REG1B: variants seen among roughly 807,000 people sequenced by gnomAD.
REG1B encodes the protein lithostathine-1-beta.
In REG1B, 21 loss-of-function variants were observed where a neutral mutation model predicts 20.4. That is an observed-to-expected ratio of 1.03 (90% CI 0.73 to 1.48). REG1B has a LOEUF of 1.48. REG1B is among the 40% of genes most tolerant of loss of function. The pLI, the probability that REG1B is intolerant of heterozygous loss-of-function variation, is 0.00. For missense variants in REG1B, 247 were observed against 197.2 expected, an observed-to-expected ratio of 1.25 and a Z score of -1.51; for synonymous variants, 82 against 73.4, an observed-to-expected ratio of 1.12 and a Z score of -0.60.
In REG1B at chr2:79,085,240, G is replaced by T. The variant is rs1672379809; in HGVS notation, c.477C>A (p.Ser159=). 2 of 1,613,392 alleles carry T rather than the reference G, an allele frequency of 1.2e-6. No homozygotes were observed. Among genetic ancestry groups the T allele is most frequent in the African/African-American group, 1.3e-5 (1 of 75,008 alleles). Residue 159 remains serine, a synonymous_variant, in exon 6 of 6, where the codon TCC becomes TCA. Coordinates refer to ENST00000305089, the MANE Select transcript of REG1B (RefSeq NM_006507.4). ...TCTAGTTTTTGAACTTGCAAACAAA[G>T]GAGAACTTCTTCTCACAAGATTCAT... The part of the protein sequence containing the change: ...WKDESCEKKF[S]FVCKFKN
At chr2:79,086,065 G>C (rs1313839137) in intron 4 of REG1B, 1 of 381,864 alleles carries the variant, frequency 2.6e-6, no homozygotes, top group East Asian at 5.8e-5. Flanking sequence ...TCTACAGAGG[G>C]ACCTCTTCCA....
In REG1B at chr2:79,086,805, C is replaced by G. The variant is rs768118109; in HGVS notation, c.183+7G>C. 1 of 1,611,876 alleles carries G rather than the reference C, an allele frequency of 6.2e-7. No homozygotes were observed. Among genetic ancestry groups the G allele is most frequent in the African/African-American group, 1.3e-5 (1 of 74,970 alleles). On this transcript the variant is annotated splice_region_variant and intron_variant, in intron 3 of 5. Coordinates refer to ENST00000305089, the MANE Select transcript of REG1B (RefSeq NM_006507.4). ...GCCTCCCTTCCCCTGCTGCTCTCCT[C>G]ACTCACATCTGCATCAACCCAGGTC...
chr2:79,086,908 C>G lies in REG1B; in HGVS notation c.87G>C (p.Leu29=), dbSNP rs774256969. 1 of 1,613,632 alleles carries G rather than the reference C, an allele frequency of 6.2e-7. No individual in the cohort carries two copies. Among genetic ancestry groups the G allele is most frequent in the East Asian group, 2.2e-5 (1 of 44,848 alleles). The change falls in exon 3 of 6, where the codon CTG becomes CTC. Residue 29 remains leucine, a synonymous_variant. Transcript: ENST00000305089. The part of the protein sequence containing the change: ...LSQGQESQTE[L]PNPRISCPEG... The stretch of plus-strand genomic sequence containing the variant: ...CTGGGCAGCTGATTCGGGGATTAGG[C>G]AGCTCTGTCTGGGACTCCTGGCCTG...
rs779502058 is a variant in REG1B at position 79,086,944 on chromosome 2, A to G, written c.65-14T>C. The G allele has an allele frequency of 6.2e-7, 1 of 1,603,928 alleles. No individual in the cohort carries two copies. Among genetic ancestry groups the G allele is most frequent in the Non-Finnish European group, 8.5e-7 (1 of 1,170,942 alleles). On this transcript the variant is annotated splice_polypyrimidine_tract_variant and intron_variant, in intron 2 of 5. Transcript: ENST00000305089. Reference sequence around the variant, plus strand: ...GGGACTCCTGGCCTGGGGAAAAAAAAAAGGAGATAATTAAGAAAGAATCGC... The same window carrying G: ...GGGACTCCTGGCCTGGGGAAAAAAAGAAGGAGATAATTAAGAAAGAATCGC...
rs1558715626 is a variant in REG1B at position 79,086,373 on chromosome 2, TG to T, written c.314del (p.Pro105GlnfsTer36). ...DSNVWIGLHD[P>X]KKNRRWHWSS... The stretch of plus-strand genomic sequence containing the variant: ...GAGGTGGCTGCAGACTGACCTTTTT[TG>T]GGTCATGGAGGCCAATCCAGACATT... On this transcript the variant is annotated frameshift_variant, in exon 4 of 6. Transcript: ENST00000305089. LOFTEE classifies it high-confidence loss of function. The T allele has an allele frequency of 6.2e-7, 1 of 1,614,084 alleles. No individual in the cohort carries two copies. Among genetic ancestry groups the T allele is most frequent in the East Asian group, 2.2e-5 (1 of 44,870 alleles).
Position 79,087,551 on chromosome 2 carries a change from T to C in REG1B, c.62A>G (p.Gln21Arg). The C allele has an allele frequency of 1.2e-6, 2 of 1,613,886 alleles. No individual in the cohort carries two copies. Among genetic ancestry groups the C allele is most frequent in the Non-Finnish European group, 1.7e-6 (2 of 1,179,918 alleles). ...GGAAGTGTGGGGGAAAATCTCACCTTGGCTCAGAGACAGGAACATCAGGGA... is the reference window on the plus strand; with the variant it reads ...GGAAGTGTGGGGGAAAATCTCACCTCGGCTCAGAGACAGGAACATCAGGGA... ...ISSLMFLSLS[Q>R]GQESQTELPN... Residue 21 changes from glutamine to arginine, a missense_variant and splice_region_variant, in exon 2 of 6, where the codon CAA becomes CGA. Coordinates refer to ENST00000305089, the MANE Select transcript of REG1B (RefSeq NM_006507.4).
Position 79,085,538 on chromosome 2 carries a change from C to G in REG1B, c.387G>C (p.Pro129=), listed in dbSNP as rs749139768. ...CACAGTAGCCAGCATTAGCACTGCT[C>G]GGGGATCCAGTGTCCCAGGACTTGT... ...VSYKSWDTGS[P]SSANAGYCAS... The change falls in exon 5 of 6, where the codon CCG becomes CCC. Residue 129 remains proline, a synonymous_variant. Coordinates refer to ENST00000305089, the MANE Select transcript of REG1B (RefSeq NM_006507.4). 5 of 1,613,800 alleles carry G rather than the reference C, an allele frequency of 3.1e-6. No homozygotes were observed. The South Asian group carries it at 5.5e-5, about 18-fold the overall frequency.
intron 2 of REG1B, chr2:79,087,144 A>C: frequency 1.8e-6 from 1 of 568,292 alleles, no homozygotes. Flanking sequence ...GGCTAAATAA[A>C]TGAGTCCTCG....
chr2:79,087,121 C>A, intron 2 of REG1B, 191 bp from the exon 3 acceptor site: 1 of 595,862 alleles, frequency 1.7e-6, no homozygotes, highest in Non-Finnish European at 3.0e-6. Context: ...AAGACAAGAG[C>A]TCACAATGAA....
chr2:79,086,312 T>TTA, intron 4 of REG1B, 55 bp downstream of exon 4: 1 of 1,595,852 alleles, frequency 6.3e-7, no homozygotes, highest in Non-Finnish European at 8.6e-7. Context: ...ACCTTAAACG[T>TTA]CCCTCTTACC....
chr2:79,086,914 T>C lies in REG1B; in HGVS notation c.81A>G (p.Thr27=). Residue 27 remains threonine, a synonymous_variant, in exon 3 of 6, where the codon ACA becomes ACG. Transcript: ENST00000305089. ...AGCTGATTCGGGGATTAGGCAGCTC[T>C]GTCTGGGACTCCTGGCCTGGGGAAA... ...LSLSQGQESQ[T]ELPNPRISCP... is the part of the protein sequence containing the mutation. 1 of 1,613,678 alleles carries C rather than the reference T, an allele frequency of 6.2e-7. No homozygotes were observed. The highest frequency in any genetic ancestry group is 8.5e-7 in the Non-Finnish European group (1 of 1,179,774).
At position 79,086,413 on chromosome 2, in the gene REG1B, C is replaced by G. The variant is rs1024249097; in HGVS notation, c.275G>C (p.Ser92Thr). The change falls in exon 4 of 6, where the codon AGC becomes ACC. Residue 92 changes from serine (S) to threonine (T), a missense_variant. Physicochemically the swap from Ser to Thr is moderately conservative, Grantham distance 58. Coordinates refer to ENST00000305089, the MANE Select transcript of REG1B (RefSeq NM_006507.4). Reference protein sequence around the residue: ...AFVASLIKESSTDDSNVWIGL... With the variant: ...AFVASLIKESTTDDSNVWIGL... Reference sequence around the variant, plus strand: ...AATCCAGACATTGCTGTCATCAGTGCTACTCTCCTTAATCAGTGAGGCCAC... The same window carrying G: ...AATCCAGACATTGCTGTCATCAGTGGTACTCTCCTTAATCAGTGAGGCCAC... The G allele has an allele frequency of 3.4e-5, 55 of 1,613,984 alleles. No individual in the cohort carries two copies. Among genetic ancestry groups the G allele is most frequent in the Non-Finnish European group, 3.9e-5 (46 of 1,180,004 alleles).
At chr2:79,087,465 C>CT in intron 2 of REG1B, 84 bp downstream of exon 2, 4 of 1,410,740 alleles carry the variant, frequency 2.8e-6, no homozygotes, top group African/African-American at 1.4e-5. Context: ...GTTGACTCTG[C>CT]TTTTTTTCAA....
rs984265564 is a variant in REG1B, at chr2:79,085,259, G to A, written c.458C>T (p.Ser153Phe). ...AACAAAGGAGAACTTCTTCTCACAA[G>A]ATTCATCCTTCCATTTCTTGAATCC... ...CSGFKKWKDE[S>F]CEKKFSFVCK... The change falls in exon 6 of 6, where the codon TCT (serine) becomes TTT (phenylalanine). Residue 153 changes from serine (S) to phenylalanine (F), a missense_variant. Coordinates refer to ENST00000305089, the MANE Select transcript of REG1B (RefSeq NM_006507.4). The A allele has an allele frequency of 1.5e-5, 24 of 1,612,994 alleles. No individual in the cohort carries two copies. Among genetic ancestry groups the A allele is most frequent in the Non-Finnish European group, 1.7e-5 (20 of 1,179,148 alleles).
intron 2 of REG1B, 179 bp from the exon 3 acceptor site, chr2:79,087,109 T>C: frequency 1.6e-6 from 1 of 607,782 alleles, no homozygotes; most frequent in Non-Finnish European, 2.9e-6. Context: ...TTTCCTCTGC[T>C]CAAGACAAGA....
intron 3 of REG1B, 47 bp from the exon 4 acceptor site, chr2:79,086,551 G>A (rs368921681): frequency 1.2e-6 from 2 of 1,605,170 alleles, no homozygotes; most frequent in Admixed American, 3.4e-5. Flanking sequence ...GAAGGTGTGA[G>A]GGATATACTG....
At chr2:79,085,656 A>G (rs1043032105) in intron 4 of REG1B, 53 bp from the exon 5 acceptor site, 3 of 1,199,266 alleles carry the variant, frequency 2.5e-6, no homozygotes, top group African/African-American at 3.0e-5. Context: ...AATCAATAGA[A>G]TAACCAGGCC....
At position 79,086,822 on chromosome 2, in the gene REG1B, A is replaced by T. The variant is rs1388744013; in HGVS notation, c.173T>A (p.Val58Asp). The change falls in exon 3 of 6, where the codon GTT becomes GAT. Residue 58 changes from valine (V) to aspartate (D), a missense_variant. By Grantham distance (152) the Val-to-Asp change is radical. Transcript: ENST00000305089. ...GCTCTCCTCACTCACATCTGCATCA[A>T]CCCAGGTCTCAGGGTCTTCATTAAA... ...YYFNEDPETW[V>D]DADLYCQNMN... The T allele has an allele frequency of 1.2e-6, 2 of 1,613,818 alleles. No homozygotes were observed. Among genetic ancestry groups the T allele is most frequent in the South Asian group, 2.2e-5 (2 of 91,066 alleles).
chr2:79,087,511 A>G, intron 2 of REG1B, 38 bp downstream of exon 2: 1 of 1,601,872 alleles, frequency 6.2e-7, no homozygotes, highest in South Asian at 1.1e-5. Flanking sequence ...GGAAGAATTC[A>G]GAGTTGGGGT....
Sources: allele counts gnomAD v4.1 joint callset, GRCh38; gene constraint gnomAD v4.1.1; transcripts MANE v1.5; gene names NCBI Gene and HGNC (gene_info 2026-07-23, HGNC 2026-07-21).